Variants in DLGAP1 observed in about 807,000 individuals in gnomAD.
The protein encoded by DLGAP1 is disks large-associated protein 1.
In DLGAP1, 11 loss-of-function variants were observed where a neutral mutation model predicts 90.8. The observed-to-expected ratio is 0.12, with a 90% CI of 0.08 to 0.20. The LOEUF is 0.20. DLGAP1 is among the 10% of genes least tolerant of loss of function. The pLI, the probability that DLGAP1 is intolerant of heterozygous loss-of-function variation, is 1.00. For missense variants in DLGAP1, 1,050 were observed against 1,333.8 expected, an observed-to-expected ratio of 0.79 and a Z score of 3.31; for synonymous variants, 558 against 540.7, an observed-to-expected ratio of 1.03 and a Z score of -0.44.
At chr18:3,990,175 C>T (rs1396779546) in intron 3 of DLGAP1, among the ~76,000 whole-genome samples, 2 of 152,306 alleles carry the variant, frequency 1.3e-5, no homozygotes, top group East Asian at 3.9e-4. Context: ...TATAAAGACA[C>T]ATGCACGTGT....
At chr18:4,419,663 G>GAATAT (rs71297356) in intron 1 of DLGAP1, among the ~76,000 whole-genome samples, 136,829 of 151,784 alleles carry the variant, frequency 0.9, 61,802 homozygotes, top group East Asian at 1. Context: ...GGGAAATTCA[G>GAATAT]ATTATTTAAG....
At chr18:3,892,429 A>G (rs3910708) in intron 3 of DLGAP1, among the ~76,000 whole-genome samples, 12,051 of 151,750 alleles carry the variant, frequency 0.079, 622 homozygotes, top group Non-Finnish European at 0.12. Context: ...TTCCCCATTG[A>G]CTCTGTGTTT....
intron 7 of DLGAP1, among the ~76,000 whole-genome samples, chr18:3,685,421 G>A (rs552149445): frequency 1.3e-4 from 20 of 152,042 alleles, no homozygotes; most frequent in African/African-American, 4.3e-4. Flanking sequence ...AAAATTAGCC[G>A]GGTGTGGTGG....
chr18:3,783,503 G>A (rs1029624090), intron 5 of DLGAP1, among the ~76,000 whole-genome samples: 1 of 152,124 alleles, frequency 6.6e-6, no homozygotes, highest in Non-Finnish European at 1.5e-5. Context: ...GCTACAACAT[G>A]GATTAACCTT....
chr18:3,871,680 T>C (rs1012529702), intron 4 of DLGAP1, among the ~76,000 whole-genome samples: 2 of 152,220 alleles, frequency 1.3e-5, no homozygotes, highest in African/African-American at 4.8e-5. Flanking sequence ...AGCACAGTAA[T>C]GAATTTTCCA....
At chr18:4,008,939 C>T (rs142070952) in intron 2 of DLGAP1, among the ~76,000 whole-genome samples, 2,864 of 151,822 alleles carry the variant, frequency 0.019, 82 homozygotes, top group African/African-American at 0.063. Flanking sequence ...AGTCTCGCTC[C>T]GTCGCCCAGG....
intron 1 of DLGAP1, among the ~76,000 whole-genome samples, chr18:4,306,313 TAGA>T (rs1405888823): frequency 6.6e-6 from 1 of 151,850 alleles, no homozygotes; most frequent in African/African-American, 2.4e-5. Context: ...AAGCTTATAT[TAGA>T]AGAAGGAAGA....
chr18:4,337,193 C>CTT lies in DLGAP1; in HGVS notation c.-267+117811_-267+117812dup, dbSNP rs201042095. Among the ~76,000 whole-genome samples, 259 of 91,072 alleles carry CTT rather than the reference C, an allele frequency of 2.8e-3. 4 individuals are homozygous for CTT. Among genetic ancestry groups the CTT allele is most frequent in the African/African-American group, 6.9e-3 (181 of 26,166 alleles). The allele number at this position is 91,072 out of a possible 152,430, so 59.7% of individuals were successfully genotyped here. A position where few individuals can be genotyped will look rare whatever the true frequency, so the allele number is the denominator to read the frequency against. On this transcript the variant is annotated intron_variant, in intron 1 of 12. Coordinates refer to ENST00000315677, the MANE Select transcript of DLGAP1 (RefSeq NM_004746.4). ...GATACATTGATAGGCCAATAGTTGG[C>CTT]TTTTTTTTTTTTTTTTTTGAGATGG... is the stretch of plus-strand genomic sequence containing the variant.
At chr18:3,649,875 GA>G (rs1470702380) in intron 7 of DLGAP1, among the ~76,000 whole-genome samples, 1 of 152,134 alleles carries the variant, frequency 6.6e-6, no homozygotes, top group Non-Finnish European at 1.5e-5. Context: ...AACTTTATCT[GA>G]GGTGAGGGTA....
chr18:4,218,510 A>G (rs2078006673), intron 1 of DLGAP1, among the ~76,000 whole-genome samples: 1 of 151,940 alleles, frequency 6.6e-6, no homozygotes, highest in Non-Finnish European at 1.5e-5. Context: ...TGCAATATAT[A>G]ATACATTATT....
intron 9 of DLGAP1, among the ~76,000 whole-genome samples, chr18:3,551,361 G>A (rs1049745572): frequency 6.6e-5 from 10 of 151,620 alleles, no homozygotes; most frequent in African/African-American, 2.2e-4. Context: ...CGATTCCCCT[G>A]CCTCAGGCTC....
At chr18:3,635,922 T>C (rs1434782408) in intron 7 of DLGAP1, among the ~76,000 whole-genome samples, 1 of 151,550 alleles carries the variant, frequency 6.6e-6, no homozygotes, top group Non-Finnish European at 1.5e-5. Context: ...TTCTGAGTTG[T>C]ATTTTGAAGA....
chr18:3,505,169 G>A (rs1034254022), intron 11 of DLGAP1, among the ~76,000 whole-genome samples: 3 of 146,288 alleles, frequency 2.1e-5, no homozygotes, highest in Non-Finnish European at 3.0e-5. Context: ...AAGGAGCATG[G>A]AGCTGAGTCT....
intron 2 of DLGAP1, among the ~76,000 whole-genome samples, chr18:4,102,553 C>CAA (rs1228230254): frequency 6.6e-6 from 1 of 152,118 alleles, no homozygotes; most frequent in Non-Finnish European, 1.5e-5. Context: ...ATGGAGCAGA[C>CAA]AAAAGGCAGA....
At chr18:3,923,311 A>T (rs1568301858) in intron 3 of DLGAP1, among the ~76,000 whole-genome samples, 1 of 152,116 alleles carries the variant, frequency 6.6e-6, no homozygotes, top group Non-Finnish European at 1.5e-5. Context: ...TTTTTAAAAA[A>T]TGATGTCTTG....
chr18:4,229,239 A>G (rs1372020312), intron 1 of DLGAP1, among the ~76,000 whole-genome samples: 1 of 152,054 alleles, frequency 6.6e-6, no homozygotes, highest in Non-Finnish European at 1.5e-5. Context: ...AATACTCAAA[A>G]TGTCCATACT....
chr18:3,906,460 C>T (rs1029951864), intron 3 of DLGAP1, among the ~76,000 whole-genome samples: 3 of 152,194 alleles, frequency 2.0e-5, no homozygotes, highest in Admixed American at 6.5e-5. Context: ...CCTGAAAACA[C>T]AGTCAGGCTG....
chr18:4,224,427 G>C (rs2078142332), intron 1 of DLGAP1, among the ~76,000 whole-genome samples: 1 of 152,166 alleles, frequency 6.6e-6, no homozygotes, highest in African/African-American at 2.4e-5. Context: ...TAAGCTCTTG[G>C]ACAGCATTTC....
In DLGAP1 at chr18:3,660,109, T is replaced by C. The variant is rs1778930818; in HGVS notation, c.1591+69026A>G. 6.6e-6 allele frequency among the ~76,000 whole-genome samples: 1 copy of C among 152,236 alleles called. No individual in the cohort carries two copies. The highest frequency in any genetic ancestry group is 1.5e-5 in the Non-Finnish European group (1 of 68,046). On this transcript the variant is annotated intron_variant, in intron 7 of 12. Transcript: ENST00000315677. This position sits in a 1 kb window ranked among gnomAD's most constrained non-coding sequence, Gnocchi z 4.2. Reference sequence around the variant, plus strand: ...CAGAGAGTCTTCCTTGATTACTATATTTAGAGCAGGCCAGAAATAACTCTA... The same window carrying C: ...CAGAGAGTCTTCCTTGATTACTATACTTAGAGCAGGCCAGAAATAACTCTA...
Sources: gnomAD v4.1 joint callset for allele counts (sites outside exome capture counted in the v4.1 genomes callset) on GRCh38, gnomAD v4.1.1 for gene constraint, Gnocchi (gnomAD v3.1) non-coding constraint, MANE v1.5 for transcripts, NCBI Gene and HGNC (gene_info 2026-07-23, HGNC 2026-07-21) for gene names.